Variants in C2orf49 observed in about 807,000 individuals in gnomAD.
C2orf49 encodes tRNA-splicing ligase complex subunit ASW.
A neutral mutation model predicts 20.6 loss-of-function variants in C2orf49; 11 were observed. The ratio of observed to expected loss-of-function variants is 0.53; its 90% CI spans 0.34 to 0.88. C2orf49 has a LOEUF of 0.88. Ranked by LOEUF, C2orf49 falls within the 40% of genes least tolerant of loss-of-function variation. C2orf49 has a pLI of 0.02. For missense variants in C2orf49, 289 were observed against 274.2 expected, an observed-to-expected ratio of 1.05 and a Z score of -0.38; for synonymous variants, 134 against 108.5, an observed-to-expected ratio of 1.24 and a Z score of -1.46.
the C2orf49 span, among the ~76,000 whole-genome samples, chr2:105,370,872 A>T: frequency 6.6e-6 from 1 of 152,154 alleles, no homozygotes; most frequent in Non-Finnish European, 1.5e-5. Context: ...CGAAGATTCA[A>T]TGGGATTCTG....
the C2orf49 span, among the ~76,000 whole-genome samples, chr2:105,382,044 G>A: frequency 3.3e-5 from 5 of 152,168 alleles, no homozygotes; most frequent in African/African-American, 9.6e-5. Flanking sequence ...GAAAACCTTC[G>A]TCTCCTATTT....
the C2orf49 span, among the ~76,000 whole-genome samples, chr2:105,385,053 A>G: frequency 2.6e-5 from 4 of 152,166 alleles, no homozygotes; most frequent in East Asian, 3.9e-4. Context: ...CAGATCAGCT[A>G]TTTTTGCTTA....
Position 105,343,114 on chromosome 2 carries a change from C to A in C2orf49, c.533C>A (p.Thr178Lys). ...GACGCTAAACAGAACCATGACTTAACGCATAGGAAAAGTCCTTCAGGCCCT... is the reference window on the plus strand; with the variant it reads ...GACGCTAAACAGAACCATGACTTAAAGCATAGGAAAAGTCCTTCAGGCCCT... ...NNDAKQNHDL[T>K]HRKSPSGPVK... Residue 178 changes from threonine (T) to lysine (K), a missense_variant, in exon 3 of 4, where the codon ACG becomes AAG. Thr to Lys is a moderately conservative substitution (Grantham distance 78). Coordinates refer to ENST00000258457, the MANE Select transcript of C2orf49 (RefSeq NM_024093.3). The A allele has an allele frequency of 6.2e-7, 1 of 1,614,216 alleles. No homozygotes were observed. The highest frequency in any genetic ancestry group is 1.1e-5 in the South Asian group (1 of 91,088).
the C2orf49 span, among the ~76,000 whole-genome samples, chr2:105,357,179 C>G: frequency 6.6e-6 from 1 of 152,166 alleles, no homozygotes; most frequent in African/African-American, 2.4e-5. Flanking sequence ...TCTAGTCCTT[C>G]CATTACACAT....
the C2orf49 span, among the ~76,000 whole-genome samples, chr2:105,366,575 C>T: frequency 2.4e-4 from 36 of 152,154 alleles, no homozygotes; most frequent in Non-Finnish European, 4.7e-4. Context: ...TTGCGTGTGT[C>T]TAAGAGTCAG....
chr2:105,366,035 G>A, the C2orf49 span, among the ~76,000 whole-genome samples: 23 of 151,356 alleles, frequency 1.5e-4, no homozygotes, highest in East Asian at 3.3e-3. Flanking sequence ...TTGAAACCCC[G>A]TCTGTACTAA....
At chr2:105,350,426 C>G (rs1330389545), downstream of C2orf49, among the ~76,000 whole-genome samples, 1 of 152,172 alleles carries the variant, frequency 6.6e-6, no homozygotes, top group East Asian at 1.9e-4. Flanking sequence ...ATTCTAATAC[C>G]AATTGGAAGC....
At chr2:105,363,559 C>A in the C2orf49 span, 6 of 1,260,360 alleles carry the variant, frequency 4.8e-6, no homozygotes, top group Non-Finnish European at 6.6e-6. Context: ...GATGCAAGAT[C>A]CTCATCCAGA....
In C2orf49 at chr2:105,339,447, A is replaced by G. The variant is rs1434887762; in HGVS notation, c.100-136A>G. ...AATTTAACCTTTAACACTGTCTCTA[A>G]GTGCGCGTGTTATTGTGAAAATGGC... On this transcript the variant is annotated intron_variant, in intron 1 of 3. Coordinates refer to ENST00000258457, the MANE Select transcript of C2orf49 (RefSeq NM_024093.3). The G allele has an allele frequency of 1.1e-5, 8 of 713,642 alleles. No homozygotes were observed. In the Admixed American group the frequency reaches 1.4e-4, roughly 12 times the overall value. 44.2% of individuals were successfully genotyped at this position (713,642 alleles called of 1,614,324 possible). A position where few individuals can be genotyped will look rare whatever the true frequency, so the allele number is the denominator to read the frequency against.
chr2:105,367,557 G>A, the C2orf49 span: 2 of 1,605,612 alleles, frequency 1.2e-6, no homozygotes, highest in Non-Finnish European at 1.7e-6. Flanking sequence ...GGCCAAGGGG[G>A]CATCTGAGAT....
At chr2:105,357,433 T>G in the C2orf49 span, among the ~76,000 whole-genome samples, 15 of 152,182 alleles carry the variant, frequency 9.9e-5, no homozygotes, top group Non-Finnish European at 1.3e-4. Context: ...TTTATTGGTT[T>G]GTTTGGTGAG....
chr2:105,339,589 A>G lies in C2orf49; in HGVS notation c.106A>G (p.Ile36Val), dbSNP rs2104444617. The change falls in exon 2 of 4, where the codon ATA becomes GTA. Residue 36 changes from isoleucine to valine, a missense_variant. Coordinates refer to ENST00000258457, the MANE Select transcript of C2orf49 (RefSeq NM_024093.3). ...TTTGTTTCCTTTCCCGCAGAAGAAC[A>G]TAGCTGTTGAAACTGATGTAAGAGT... ...FLLLTLEQKN[I>V]AVETDVRVNK... The G allele has an allele frequency of 6.3e-7, 1 of 1,584,998 alleles. No individual in the cohort carries two copies. Among genetic ancestry groups the G allele is most frequent in the Non-Finnish European group, 8.5e-7 (1 of 1,173,008 alleles).
chr2:105,376,911 G>A, the C2orf49 span, among the ~76,000 whole-genome samples: 7 of 149,160 alleles, frequency 4.7e-5, no homozygotes, highest in African/African-American at 1.8e-4. Flanking sequence ...ACGACAAATC[G>A]GTCACAAAAG....
At chr2:105,344,664 C>G (rs1278070530) in intron 3 of C2orf49, among the ~76,000 whole-genome samples, 1 of 152,042 alleles carries the variant, frequency 6.6e-6, no homozygotes, top group African/African-American at 2.4e-5. Flanking sequence ...ACTACAACCT[C>G]CGCCTCCCAG....
chr2:105,371,943 G>A, the C2orf49 span, among the ~76,000 whole-genome samples: 3 of 152,252 alleles, frequency 2.0e-5, no homozygotes, highest in Admixed American at 6.5e-5. Flanking sequence ...ACTGGGGCCC[G>A]AGTTTCCAGC....
chr2:105,368,647 C>T, the C2orf49 span, among the ~76,000 whole-genome samples: 1 of 152,212 alleles, frequency 6.6e-6, no homozygotes, highest in African/African-American at 2.4e-5. Context: ...TTATGGGTCA[C>T]CCCTGCCACC....
At chr2:105,381,592 G>A in the C2orf49 span, among the ~76,000 whole-genome samples, 11 of 152,232 alleles carry the variant, frequency 7.2e-5, no homozygotes, top group Non-Finnish European at 1.5e-4. Context: ...GGCCAAGTTC[G>A]TGCACTGACA....
chr2:105,367,871 G>A, the C2orf49 span: 36 of 816,996 alleles, frequency 4.4e-5, 1 homozygote, highest in Admixed American at 6.0e-5. Flanking sequence ...TTGAAGGCTC[G>A]CCTCTACATG....
chr2:105,369,647 A>G, the C2orf49 span, among the ~76,000 whole-genome samples: 1 of 152,200 alleles, frequency 6.6e-6, no homozygotes, highest in Non-Finnish European at 1.5e-5. Context: ...ATTCAAGTAA[A>G]AATAGTGGAA....
Sources: gnomAD v4.1 joint callset for allele counts (sites outside exome capture counted in the v4.1 genomes callset) on GRCh38, gnomAD v4.1.1 for gene constraint, MANE v1.5 for transcripts, NCBI Gene and HGNC (gene_info 2026-07-23, HGNC 2026-07-21) for gene names.